The following CUX2 variants were observed in gnomAD, a reference collection of about 807,000 sequenced individuals.
CUX2 encodes the protein cut like homeobox 2, also known as homeobox protein cut-like 2.
CUX2 carries 40 observed loss-of-function variants against 144.8 expected under a neutral mutation model. That is an observed-to-expected ratio of 0.28 (90% CI 0.21 to 0.36). The LOEUF is 0.36. CUX2 is among the 10% of genes least tolerant of loss of function. The pLI is 1.00. For synonymous variants in CUX2, 827 were observed against 875.6 expected, an observed-to-expected ratio of 0.94 and a Z score of 0.98; for missense variants, 1,615 against 1,994.0, an observed-to-expected ratio of 0.81 and a Z score of 3.62.
chr12:111,161,409 C>A (rs574163212), intron 1 of CUX2, among the ~76,000 whole-genome samples: 2 of 152,220 alleles, frequency 1.3e-5, no homozygotes, highest in African/African-American at 2.4e-5. Context: ...TGGTTCATGT[C>A]ACGCTTATCT....
intron 1 of CUX2, among the ~76,000 whole-genome samples, chr12:111,036,468 T>C (rs1205533761): frequency 2.0e-5 from 3 of 152,196 alleles, no homozygotes; most frequent in Non-Finnish European, 4.4e-5. Flanking sequence ...TGATTCCAGC[T>C]GGACGCCCAT....
rs1870692174 is a variant in CUX2 at position 111,059,931 on chromosome 12, A to C, written c.63+25691A>C. On this transcript the variant is annotated intron_variant, in intron 1 of 21. Transcript: ENST00000261726. This position sits in a 1 kb window ranked among gnomAD's most constrained non-coding sequence, Gnocchi z 5.3. ...GGATCCTGACTCACATGGTCTTTCCAGCAGGTCCAGGGCTCCATTTAGAAT... is the reference window on the plus strand; with the variant it reads ...GGATCCTGACTCACATGGTCTTTCCCGCAGGTCCAGGGCTCCATTTAGAAT... 6.6e-6 allele frequency among the ~76,000 whole-genome samples: 1 copy of C among 152,044 alleles called. No individual in the cohort carries two copies. Among genetic ancestry groups the C allele is most frequent in the Non-Finnish European group, 1.5e-5 (1 of 68,004 alleles).
chr12:111,067,800 T>C (rs1447701702), intron 1 of CUX2, among the ~76,000 whole-genome samples: 1 of 152,184 alleles, frequency 6.6e-6, no homozygotes, highest in Non-Finnish European at 1.5e-5. Context: ...CCATAGGGTG[T>C]GCCAGGACAC....
At chr12:111,134,279 G>T (rs529613968) in intron 1 of CUX2, among the ~76,000 whole-genome samples, 42 of 152,306 alleles carry the variant, frequency 2.8e-4, no homozygotes, top group African/African-American at 9.9e-4. Flanking sequence ...TATCAAGTGG[G>T]CCTTAAAAAG....
chr12:111,174,277 G>A (rs1878712154), intron 1 of CUX2, among the ~76,000 whole-genome samples: 1 of 152,242 alleles, frequency 6.6e-6, no homozygotes, highest in Admixed American at 6.5e-5. Flanking sequence ...GGAATTGGCA[G>A]TGACCAGACC....
At chr12:111,302,590 G>C (rs761126421) in intron 9 of CUX2, among the ~76,000 whole-genome samples, 2 of 152,134 alleles carry the variant, frequency 1.3e-5, no homozygotes, top group Non-Finnish European at 2.9e-5. Flanking sequence ...CTTCCAGGTA[G>C]AAATTTTTTA....
intron 3 of CUX2, among the ~76,000 whole-genome samples, chr12:111,254,340 G>A (rs544780853): frequency 6.6e-6 from 1 of 152,332 alleles, no homozygotes; most frequent in Non-Finnish European, 1.5e-5. Flanking sequence ...CACATAGTAG[G>A]TGCTCAGTAT....
At chr12:111,158,754 T>C (rs1318626231) in intron 1 of CUX2, among the ~76,000 whole-genome samples, 1 of 152,108 alleles carries the variant, frequency 6.6e-6, no homozygotes, top group Non-Finnish European at 1.5e-5. Flanking sequence ...ATTAAAACTT[T>C]CTACTTAAAG....
At chr12:111,275,454 C>T (rs947443704) in intron 4 of CUX2, among the ~76,000 whole-genome samples, 2 of 152,208 alleles carry the variant, frequency 1.3e-5, no homozygotes, top group African/African-American at 4.8e-5. Flanking sequence ...GCTCACACCC[C>T]TGCGTGGGGC....
At chr12:111,229,043 T>C (rs1486620696) in intron 3 of CUX2, among the ~76,000 whole-genome samples, 1 of 152,146 alleles carries the variant, frequency 6.6e-6, no homozygotes, top group African/African-American at 2.4e-5. Context: ...TATAAAGGCG[T>C]AGAACAGTGC....
At chr12:111,128,786 C>T (rs1205980599) in intron 1 of CUX2, among the ~76,000 whole-genome samples, 2 of 152,192 alleles carry the variant, frequency 1.3e-5, no homozygotes, top group Non-Finnish European at 2.9e-5. Context: ...AGATGGGGGC[C>T]TGTCGAAGAC....
intron 1 of CUX2, among the ~76,000 whole-genome samples, chr12:111,123,780 C>G (rs1322445944): frequency 1.3e-5 from 2 of 152,132 alleles, no homozygotes; most frequent in Non-Finnish European, 2.9e-5. Flanking sequence ...AAGCAATCCC[C>G]CTGCCTCGGC....
intron 16 of CUX2, among the ~76,000 whole-genome samples, chr12:111,314,062 G>C (rs1011196962): frequency 2.0e-5 from 3 of 152,146 alleles, no homozygotes; most frequent in East Asian, 1.9e-4. Context: ...GGGGTGAGGG[G>C]ATAAGGGATT....
At chr12:111,220,131 AAGACTCTG>A (rs918150338) in intron 3 of CUX2, among the ~76,000 whole-genome samples, 2 of 151,406 alleles carry the variant, frequency 1.3e-5, no homozygotes, top group African/African-American at 2.4e-5. Context: ...ACGACAGAGC[AAGACTCTG>A]TCTCAAAAAA....
chr12:111,055,793 A>G (rs150305973), intron 1 of CUX2, among the ~76,000 whole-genome samples: 1 of 152,358 alleles, frequency 6.6e-6, no homozygotes, highest in Non-Finnish European at 1.5e-5. Flanking sequence ...CCCTACAGGT[A>G]AGTAGGCTTG....
In CUX2 at chr12:111,338,532, A is replaced by T. The variant is rs952966318; in HGVS notation, c.3385+58A>T. On this transcript the variant is annotated intron_variant, in intron 20 of 21. Coordinates refer to ENST00000261726, the MANE Select transcript of CUX2 (RefSeq NM_015267.4). Reference sequence around the variant, plus strand: ...TGGGTCTCAGATTTTCCCCAGAACCATATCTAGCTGTAACCCACATAAACC... The same window carrying T: ...TGGGTCTCAGATTTTCCCCAGAACCTTATCTAGCTGTAACCCACATAAACC... 2.6e-6 allele frequency: 4 copies of T among 1,518,448 alleles called. No individual in the cohort carries two copies. In the African/African-American group the frequency reaches 5.5e-5, roughly 21 times the overall value. The allele number at this position is 1,518,448 out of a possible 1,614,324, so 94.1% of individuals were successfully genotyped here.
At chr12:111,085,158 G>A (rs1872136963) in intron 1 of CUX2, among the ~76,000 whole-genome samples, 1 of 152,202 alleles carries the variant, frequency 6.6e-6, no homozygotes, top group Non-Finnish European at 1.5e-5. Flanking sequence ...ATAGAGGATG[G>A]GGATGGAGGT....
intron 1 of CUX2, among the ~76,000 whole-genome samples, chr12:111,103,853 T>A (rs1217154474): frequency 6.6e-6 from 1 of 152,204 alleles, no homozygotes; most frequent in Non-Finnish European, 1.5e-5. Flanking sequence ...TTCCCCTGTA[T>A]GGGTGGGCTT....
intron 1 of CUX2, among the ~76,000 whole-genome samples, chr12:111,049,952 C>G (rs944980363): frequency 6.6e-6 from 1 of 152,174 alleles, no homozygotes; most frequent in Non-Finnish European, 1.5e-5. Context: ...GTGCTTGGAG[C>G]CTGTCAGAAA....
Sources: allele counts gnomAD v4.1 joint callset (sites outside exome capture counted in the v4.1 genomes callset), GRCh38; gene constraint gnomAD v4.1.1; non-coding constraint Gnocchi (gnomAD v3.1); transcripts MANE v1.5; gene names NCBI Gene and HGNC (gene_info 2026-07-23, HGNC 2026-07-21).